The following PYGM variants were observed in gnomAD, a reference collection of about 807,000 sequenced individuals.
PYGM encodes the protein glycogen phosphorylase, muscle form.
PYGM carries 81 observed loss-of-function variants against 99.3 expected under a neutral mutation model. That is an observed-to-expected ratio of 0.82 (90% CI 0.68 to 0.98). The LOEUF (loss-of-function observed/expected upper bound fraction) is 0.98, where lower values mean the gene tolerates loss of function less well. PYGM is among the 50% of genes least tolerant of loss of function. The pLI is 0.00. For missense variants in PYGM, 1,030 were observed against 1,158.1 expected (o/e 0.89, Z 1.61); for synonymous variants, 436 against 451.5 (o/e 0.97, Z 0.44).
In PYGM at chr11:64,759,905, A is replaced by G; in HGVS notation, c.-7T>C. 6.2e-7 allele frequency: 1 copy of G among 1,613,846 alleles called. No individual in the cohort carries two copies. Among genetic ancestry groups the G allele is most frequent in the Non-Finnish European group, 8.5e-7 (1 of 1,179,980 alleles). ...CTGACAGGGGCCGGGACATGGCTGC[A>G]GGAGGGCGGGCCGGACTGGACTGAT... On this transcript the variant is annotated 5_prime_UTR_variant, in exon 1 of 20. Transcript: ENST00000164139.
In PYGM at chr11:64,752,482, G is replaced by C; in HGVS notation, c.1541C>G (p.Ser514Cys). ...CAGTTTGCGCAGCTGGTCCAGGTCA[G>C]AGATGAAGTCCTCCCCGATGCGCTA... ...IAERIGEDFI[S>C]DLDQLRKLLS... is the part of the protein sequence containing the mutation. The change falls in exon 13 of 20, where the codon TCT (serine) becomes TGT (cysteine). Residue 514 changes from serine to cysteine, a missense_variant. Coordinates refer to ENST00000164139, the MANE Select transcript of PYGM (RefSeq NM_005609.4). The C allele has an allele frequency of 6.2e-7, 1 of 1,614,208 alleles. No individual in the cohort carries two copies. The highest frequency in any genetic ancestry group is 8.5e-7 in the Non-Finnish European group (1 of 1,180,008).
Position 64,746,980 on chromosome 11 carries a change from C to CT in PYGM, c.2319dup (p.Val774SerfsTer6). The CT allele has an allele frequency of 6.2e-7, 1 of 1,614,178 alleles. No individual in the cohort carries two copies. ...ATGTAGTCTTCATAATCTGCGAAGA[C>CT]TTTAAACCTGGAGGGGAAAGGATAG... On this transcript the variant is annotated frameshift_variant, in exon 19 of 20. Transcript: ENST00000164139. LOFTEE classifies it high-confidence loss of function.
intron 1 of PYGM, 123 bp from the exon 2 acceptor site, chr11:64,758,827 A>G: frequency 1.2e-6 from 1 of 863,398 alleles, no homozygotes; most frequent in Non-Finnish European, 1.9e-6. Context: ...CCCTGTCCCC[A>G]ATTTGTTTCT....
At chr11:64,759,404 C>T (rs1358039917) in intron 1 of PYGM, among the ~76,000 whole-genome samples, 2 of 152,112 alleles carry the variant, frequency 1.3e-5, no homozygotes, top group East Asian at 3.9e-4. Context: ...TCCTGCCCAC[C>T]AGCACCCACT....
chr11:64,750,523 G>C lies in PYGM; in HGVS notation c.2030C>G (p.Thr677Ser), dbSNP rs928891607. ...ISTAGTEASGTGNMKFMLNGA... is the reference protein window; with the variant it reads ...ISTAGTEASGSGNMKFMLNGA... ...GTTGAGCATGAACTTCATGTTGCCG[G>C]TGCCTGAGGCTTCAGTGCCCGCAGT... Residue 677 changes from threonine to serine, a missense_variant, in exon 17 of 20, where the codon ACC becomes AGC. By Grantham distance (58) the Thr-to-Ser change is moderately conservative. Transcript: ENST00000164139. The C allele has an allele frequency of 6.2e-7, 1 of 1,614,088 alleles. No homozygotes were observed. Among genetic ancestry groups the C allele is most frequent in the African/African-American group, 1.3e-5 (1 of 74,928 alleles).
Position 64,750,470 on chromosome 11 carries a change from C to T in PYGM, c.2083G>A (p.Gly695Arg), listed in dbSNP as rs768604948. 33 of 1,614,212 alleles carry T rather than the reference C, an allele frequency of 2.0e-5. No homozygotes were observed. The highest frequency in any genetic ancestry group is 2.5e-5 in the Non-Finnish European group (30 of 1,180,040). Residue 695 changes from glycine (G) to arginine (R), a missense_variant, in exon 17 of 20, where the codon GGG becomes AGG. Gly to Arg is a moderately radical substitution (Grantham distance 125). Transcript: ENST00000164139. ...NGALTIGTMD[G>R]ANVEMAEEAG... ...TCTTCTGCCATCTCCACATTGGCCC[C>T]GTCCATGGTGCCAATGGTCAGAGCC...
rs779048512 is a variant in PYGM, at chr11:64,751,368, A to G, written c.1926T>C (p.Arg642=). ...NHDPAVGDRL[R]VIFLENYRVS... ...CTCGGTAGTTCTCCAGGAAGATGAC[A>G]CGGAGGCGGTCACCCACTGCCGGGT... The change falls in exon 16 of 20, where the codon CGT becomes CGC. Residue 642 remains arginine (R), a synonymous_variant. Coordinates refer to ENST00000164139, the MANE Select transcript of PYGM (RefSeq NM_005609.4). 4.8e-5 allele frequency: 77 copies of G among 1,614,016 alleles called. No homozygotes were observed. Among genetic ancestry groups the G allele is most frequent in the Non-Finnish European group, 5.8e-5 (68 of 1,180,038 alleles).
intron 4 of PYGM, 105 bp from the exon 5 acceptor site, chr11:64,758,015 A>G: frequency 1.3e-6 from 2 of 1,532,906 alleles, no homozygotes; most frequent in South Asian, 1.1e-5. Flanking sequence ...ACCCTACACC[A>G]AGTATAAGTC....
At position 64,755,207 on chromosome 11, in the gene PYGM, C is replaced by T. The variant is rs954517724; in HGVS notation, c.855+66G>A. The stretch of plus-strand genomic sequence containing the variant: ...TAGGGCACCAGCAAGTGTCCTTCCC[C>T]AGCTCTCCCTGACCCCTGCTGCCAA... On this transcript the variant is annotated intron_variant, in intron 7 of 19. Transcript: ENST00000164139. This position sits in a 1 kb window ranked among gnomAD's most constrained non-coding sequence, Gnocchi z 4.1. 3.3e-6 allele frequency: 5 copies of T among 1,536,544 alleles called. No homozygotes were observed. Among genetic ancestry groups the T allele is most frequent in the Non-Finnish European group, 4.5e-6 (5 of 1,111,204 alleles).
chr11:64,754,710 C>T lies in PYGM; in HGVS notation c.982G>A (p.Asp328Asn), dbSNP rs758682386. The change falls in exon 8 of 20, where the codon GAT becomes AAT. Residue 328 changes from aspartate to asparagine, a missense_variant. By Grantham distance (23) the Asp-to-Asn change is conservative (BLOSUM62 1). Transcript: ENST00000164139. This position sits in a 1 kb window ranked among gnomAD's most constrained non-coding sequence, Gnocchi z 5.5. The part of the protein sequence containing the change: ...GCRDPVRTNF[D>N]AFPDKVAIQL... ...CATGGTACCTTATCTGGGAAGGCAT[C>T]GAAGTTCGTGCGCACGGGATCACGG... 7 of 1,613,556 alleles carry T rather than the reference C, an allele frequency of 4.3e-6. No individual in the cohort carries two copies. The highest frequency in any genetic ancestry group is 3.3e-5 in the Admixed American group (2 of 59,992).
intron 12 of PYGM, 74 bp from the exon 13 acceptor site, chr11:64,752,578 A>G: frequency 7.0e-7 from 1 of 1,429,294 alleles, no homozygotes; most frequent in South Asian, 1.2e-5. Context: ...GGCCATTTCC[A>G]GGTCAGCCAA....
At position 64,754,069 on chromosome 11, in the gene PYGM, T is replaced by A. The variant is rs2058377909; in HGVS notation, c.1093-44A>T. ...AGTCAGGATGCTGACCTCAGCCCAG[T>A]GGGTCTCCTCACACACTACGCATCC... On this transcript the variant is annotated intron_variant, in intron 9 of 19. Coordinates refer to ENST00000164139, the MANE Select transcript of PYGM (RefSeq NM_005609.4). The surrounding 1 kb of genome is among the most constrained non-coding windows in gnomAD (Gnocchi z 5.5). 1.3e-6 allele frequency: 2 copies of A among 1,597,686 alleles called. No homozygotes were observed. Among genetic ancestry groups the A allele is most frequent in the East Asian group, 4.5e-5 (2 of 43,960 alleles).
chr11:64,753,638 G>A lies in PYGM; in HGVS notation c.1284C>T (p.Arg428=). The change falls in exon 11 of 20, where the codon CGC becomes CGT. Residue 428 remains arginine (R), a synonymous_variant. Transcript: ENST00000164139. Reference sequence around the variant, plus strand: ...CTGCGCCCTCCTCCACCAGCGACATGCGCCGCAGCCGGTCTACGTCCCCTG... The same window carrying A: ...CTGCGCCCTCCTCCACCAGCGACATACGCCGCAGCCGGTCTACGTCCCCTG... The part of the protein sequence containing the change: ...AFPGDVDRLR[R]MSLVEEGAVK... 6.2e-7 allele frequency: 1 copy of A among 1,608,992 alleles called. No homozygotes were observed. Among genetic ancestry groups the A allele is most frequent in the South Asian group, 1.1e-5 (1 of 90,694 alleles).
intron 10 of PYGM, 51 bp downstream of exon 10, chr11:64,753,828 A>G (rs1342042962): frequency 6.5e-7 from 1 of 1,546,992 alleles, no homozygotes; most frequent in Non-Finnish European, 8.7e-7. Context: ...CCAGGCCCAG[A>G]CTGGGTGTCC....
At chr11:64,750,333 C>T (rs1383886981) in intron 17 of PYGM, 43 bp downstream of exon 17, 1 of 1,610,060 alleles carries the variant, frequency 6.2e-7, no homozygotes. Flanking sequence ...TCTCCAGCAG[C>T]CACACCTGGG....
intron 1 of PYGM, 65 bp downstream of exon 1, chr11:64,759,586 TAAGTC>T (rs1177661474): frequency 5.8e-5 from 92 of 1,599,860 alleles, no homozygotes; most frequent in Non-Finnish European, 7.0e-5. Context: ...GGCAGCCACT[TAAGTC>T]AAGATCGCCA....
Position 64,759,923 on chromosome 11 carries a change from G to A in PYGM, c.-25C>T. ...TGGCTGCAGGAGGGCGGGCCGGACT[G>A]GACTGATGGTAGAGGGGACGGCGGC... On this transcript the variant is annotated 5_prime_UTR_variant, in exon 1 of 20. Transcript: ENST00000164139. The A allele has an allele frequency of 1.2e-6, 2 of 1,612,970 alleles. No individual in the cohort carries two copies. The highest frequency in any genetic ancestry group is 1.7e-6 in the Non-Finnish European group (2 of 1,179,526).
At chr11:64,760,159 GC>G (rs2058425530), upstream of PYGM, 4 of 533,106 alleles carry the variant, frequency 7.5e-6, no homozygotes, top group Non-Finnish European at 1.3e-5. Context: ...TTGTTCACAG[GC>G]CTGTGCTGAC....
At chr11:64,752,994 G>T in intron 12 of PYGM, 79 bp downstream of exon 12, 2 of 1,319,724 alleles carry the variant, frequency 1.5e-6, no homozygotes, top group Non-Finnish European at 2.2e-6. Context: ...CTGATGCAGT[G>T]AACCACCTAC....
Sources: gnomAD v4.1 joint callset for allele counts (sites outside exome capture counted in the v4.1 genomes callset) on GRCh38, gnomAD v4.1.1 for gene constraint, Gnocchi (gnomAD v3.1) non-coding constraint, MANE v1.5 for transcripts, NCBI Gene and HGNC (gene_info 2026-07-23, HGNC 2026-07-21) for gene names.